LHPP: variants seen among roughly 807,000 people sequenced by gnomAD.
LHPP encodes the protein phospholysine phosphohistidine inorganic pyrophosphate phosphatase.
LHPP carries 24 observed loss-of-function variants against 30.3 expected under a neutral mutation model. The observed-to-expected ratio is 0.79, with a 90% CI of 0.57 to 1.11. The LOEUF (loss-of-function observed/expected upper bound fraction) is 1.11, where lower values mean the gene tolerates loss of function less well. Ranked by LOEUF, LHPP falls within the 50% of genes most tolerant of loss-of-function variation. The pLI is 0.00. For missense variants in LHPP, 356 were observed against 367.2 expected (o/e 0.97, Z 0.25); for synonymous variants, 150 against 157.1 (o/e 0.95, Z 0.34).
intron 6 of LHPP, among the ~76,000 whole-genome samples, chr10:124,549,123 G>A (rs1166227239): frequency 6.6e-6 from 1 of 152,150 alleles, no homozygotes; most frequent in Non-Finnish European, 1.5e-5. Flanking sequence ...TTTCCGCAAC[G>A]CATTGTGGAC....
intron 6 of LHPP, among the ~76,000 whole-genome samples, chr10:124,612,306 G>A (rs765379095): frequency 1.6e-4 from 25 of 152,258 alleles, no homozygotes; most frequent in Non-Finnish European, 2.2e-4. Flanking sequence ...CTCAAGAGCC[G>A]AGGCAGGAGA....
chr10:124,543,604 G>A (rs992917052), intron 6 of LHPP, among the ~76,000 whole-genome samples: 6 of 152,194 alleles, frequency 3.9e-5, no homozygotes, highest in Admixed American at 2.6e-4. Context: ...CCATGGTGGC[G>A]GCGGCTGGGC....
chr10:124,516,033 C>A (rs1173802256), intron 5 of LHPP, among the ~76,000 whole-genome samples: 2 of 152,242 alleles, frequency 1.3e-5, no homozygotes, highest in African/African-American at 4.8e-5. Context: ...GCTTTGTCTC[C>A]CCAGTTCAGG....
chr10:124,509,916 C>T (rs1954257487), intron 5 of LHPP, among the ~76,000 whole-genome samples: 1 of 152,134 alleles, frequency 6.6e-6, no homozygotes, highest in South Asian at 2.1e-4. Context: ...TCCAAAGCAT[C>T]GCCGCCTGTT....
At chr10:124,502,165 G>A (rs1037485729) in intron 5 of LHPP, among the ~76,000 whole-genome samples, 1 of 151,884 alleles carries the variant, frequency 6.6e-6, no homozygotes, top group Admixed American at 6.6e-5. Context: ...ATAAAACCGG[G>A]AAATCAACAC....
chr10:124,501,317 C>G (rs1054625852), intron 5 of LHPP, among the ~76,000 whole-genome samples: 1 of 151,588 alleles, frequency 6.6e-6, no homozygotes, highest in African/African-American at 2.4e-5. Flanking sequence ...TATTCTGGAA[C>G]TGGGCCGGGC....
chr10:124,470,648 T>TAACAATAACAAC (rs1554877245), intron 1 of LHPP, among the ~76,000 whole-genome samples: 3 of 144,912 alleles, frequency 2.1e-5, no homozygotes, highest in African/African-American at 7.7e-5. Context: ...GCAGCAATAG[T>TAACAATAACAAC]AACAACAACA....
At chr10:124,604,824 T>A (rs2134015360) in intron 6 of LHPP, among the ~76,000 whole-genome samples, 1 of 152,348 alleles carries the variant, frequency 6.6e-6, no homozygotes, top group African/African-American at 2.4e-5. Flanking sequence ...CAGGGATACC[T>A]GCCCCTCCCT....
chr10:124,549,813 T>G (rs995335690), intron 6 of LHPP, among the ~76,000 whole-genome samples: 1 of 152,204 alleles, frequency 6.6e-6, no homozygotes, highest in African/African-American at 2.4e-5. Context: ...CCTGGCTGAG[T>G]GCCTAGTGGG....
At chr10:124,499,135 C>A (rs1475773801) in intron 5 of LHPP, among the ~76,000 whole-genome samples, 1 of 151,818 alleles carries the variant, frequency 6.6e-6, no homozygotes, top group African/African-American at 2.4e-5. Flanking sequence ...CCGCCTTGGC[C>A]TCTCAAAGTG....
At position 124,523,881 on chromosome 10, in the gene LHPP, G is replaced by A. The variant is rs866968521; in HGVS notation, c.716+6610G>A. 4.6e-5 allele frequency among the ~76,000 whole-genome samples: 7 copies of A among 152,284 alleles called. No homozygotes were observed. Among genetic ancestry groups the A allele is most frequent in the South Asian group, 4.1e-4 (2 of 4,826 alleles). ...GAAAAATCCACTGTGCAATGAGTCCGTGAATCCCAGACATCCTCTCAGCAG... is the reference window on the plus strand; with the variant it reads ...GAAAAATCCACTGTGCAATGAGTCCATGAATCCCAGACATCCTCTCAGCAG... On this transcript the variant is annotated intron_variant, in intron 6 of 6. Transcript: ENST00000368842. The surrounding 1 kb of genome is among the most constrained non-coding windows in gnomAD (Gnocchi z 4.2).
chr10:124,464,628 A>G (rs963593907), intron 1 of LHPP, among the ~76,000 whole-genome samples: 3 of 152,172 alleles, frequency 2.0e-5, no homozygotes, highest in Non-Finnish European at 2.9e-5. Context: ...TAGCTCAGTC[A>G]CAGATGAGAG....
Position 124,590,910 on chromosome 10 carries a change from G to A in LHPP, c.717-22354G>A, listed in dbSNP as rs1039759845. Among the ~76,000 whole-genome samples the A allele has an allele frequency of 8.5e-5, 13 of 152,244 alleles. No individual in the cohort carries two copies. The highest frequency in any genetic ancestry group is 2.7e-4 in the African/African-American group (11 of 41,464). On this transcript the variant is annotated intron_variant, in intron 6 of 6. Coordinates refer to ENST00000368842, the MANE Select transcript of LHPP (RefSeq NM_022126.4). This position sits in a 1 kb window ranked among gnomAD's most constrained non-coding sequence, Gnocchi z 4.3. ...GTGTCATTGGTAAACACTGCAACAGGCCTCCTTTCCAGGAAACAGGATCCC... is the reference window on the plus strand; with the variant it reads ...GTGTCATTGGTAAACACTGCAACAGACCTCCTTTCCAGGAAACAGGATCCC...
chr10:124,523,219 C>T lies in LHPP; in HGVS notation c.716+5948C>T, dbSNP rs1430433345. 2.6e-5 allele frequency among the ~76,000 whole-genome samples: 4 copies of T among 152,252 alleles called. No individual in the cohort carries two copies. Among genetic ancestry groups the T allele is most frequent in the African/African-American group, 9.6e-5 (4 of 41,466 alleles). On this transcript the variant is annotated intron_variant, in intron 6 of 6. Transcript: ENST00000368842. The surrounding 1 kb of genome is among the most constrained non-coding windows in gnomAD (Gnocchi z 4.2). ...CGTTCTTGACAAACAGTTTGCCCTT[C>T]GGAGAGGGAAAGTTTCCTGGACCGT...
In LHPP at chr10:124,526,334, C is replaced by T. The variant is rs182842287; in HGVS notation, c.716+9063C>T. 5.1e-5 allele frequency: 36 copies of T among 704,392 alleles called. No homozygotes were observed. The Admixed American group carries it at 1.1e-3, about 22-fold the overall frequency. The allele number at this position is 704,392 out of a possible 1,614,324, so 43.6% of individuals were successfully genotyped here. On this transcript the variant is annotated intron_variant, in intron 6 of 6. Coordinates refer to ENST00000368842, the MANE Select transcript of LHPP (RefSeq NM_022126.4). ...GCCTCAGCTCGTCTACACCCTGCAA[C>T]AGCCCAGAGAAGCCACCCGCCTTCT...
In LHPP at chr10:124,547,039, G is replaced by GCA. The variant is rs1266730109; in HGVS notation, c.716+29769_716+29770insAC. Reference sequence around the variant, plus strand: ...TTTTTCTGCACACACACACGCACACGCGCGCACACACACAGGAGGTTGTCC... The same window carrying GCA: ...TTTTTCTGCACACACACACGCACACGCACGCGCACACACACAGGAGGTTGTCC... On this transcript the variant is annotated intron_variant, in intron 6 of 6. Coordinates refer to ENST00000368842, the MANE Select transcript of LHPP (RefSeq NM_022126.4). Among the ~76,000 whole-genome samples, 28 of 16,316 alleles carry GCA rather than the reference G, an allele frequency of 1.7e-3. 1 individual carries two copies. The Middle Eastern group carries it at 0.18, about 104-fold the overall frequency. The allele number at this position is 16,316 out of a possible 152,430, so 10.7% of individuals were successfully genotyped here.
chr10:124,550,393 G>C (rs1459630635), intron 6 of LHPP, among the ~76,000 whole-genome samples: 6 of 152,240 alleles, frequency 3.9e-5, no homozygotes, highest in Admixed American at 6.5e-5. Flanking sequence ...TCAGGAGAGA[G>C]GGCCTGTCCT....
At chr10:124,469,518 G>C (rs555516203) in intron 1 of LHPP, among the ~76,000 whole-genome samples, 1 of 151,550 alleles carries the variant, frequency 6.6e-6, no homozygotes, top group African/African-American at 2.4e-5. Context: ...GGTGGGGGGG[G>C]CTTCCTCTTT....
intron 1 of LHPP, among the ~76,000 whole-genome samples, chr10:124,471,377 G>A (rs1366108860): frequency 3.9e-5 from 5 of 126,846 alleles, no homozygotes; most frequent in African/African-American, 6.0e-5. Context: ...ATTTTGAGTA[G>A]AACTCCAAAA....
Sources: gnomAD v4.1 joint callset for allele counts (sites outside exome capture counted in the v4.1 genomes callset) on GRCh38, gnomAD v4.1.1 for gene constraint, Gnocchi (gnomAD v3.1) non-coding constraint, MANE v1.5 for transcripts, NCBI Gene and HGNC (gene_info 2026-07-23, HGNC 2026-07-21) for gene names.